Variants in MAP4K4 observed in about 807,000 individuals in gnomAD.
MAP4K4 encodes the protein HPK/GCK-like kinase HGK.
In MAP4K4, 38 loss-of-function variants were observed where a neutral mutation model predicts 189.6. That is an observed-to-expected ratio of 0.20 (90% CI 0.15 to 0.26). The LOEUF (loss-of-function observed/expected upper bound fraction) is 0.26, where lower values mean the gene tolerates loss of function less well. Ranked by LOEUF, MAP4K4 falls within the 10% of genes least tolerant of loss-of-function variation. The pLI, the probability that MAP4K4 is intolerant of heterozygous loss-of-function variation, is 1.00. For missense variants in MAP4K4, 1,054 were observed against 1,726.9 expected, an observed-to-expected ratio of 0.61 and a Z score of 6.91; for synonymous variants, 610 against 624.3, an observed-to-expected ratio of 0.98 and a Z score of 0.34.
intron 6 of MAP4K4, among the ~76,000 whole-genome samples, chr2:101,830,885 G>A (rs1474901459): frequency 6.6e-6 from 1 of 152,166 alleles, no homozygotes; most frequent in Non-Finnish European, 1.5e-5. Context: ...TGTCTCTAAA[G>A]GAGTACTCAG....
At chr2:101,745,328 A>AACCC (rs2064781044) in intron 2 of MAP4K4, among the ~76,000 whole-genome samples, 1 of 54,874 alleles carries the variant, frequency 1.8e-5, no homozygotes, top group African/African-American at 1.0e-4. Context: ...TGAAAATATC[A>AACCC]CCCCCCCCCC....
intron 2 of MAP4K4, among the ~76,000 whole-genome samples, chr2:101,740,445 C>CTT (rs2062213422): frequency 9.8e-6 from 1 of 102,534 alleles, no homozygotes; most frequent in African/African-American, 1.6e-4. Flanking sequence ...TGAGCCACCG[C>CTT]GCCCGGCCGC....
intron 2 of MAP4K4, among the ~76,000 whole-genome samples, chr2:101,736,917 C>T (rs2060481575): frequency 6.6e-6 from 1 of 152,172 alleles, no homozygotes; most frequent in African/African-American, 2.4e-5. Flanking sequence ...CATCAATCTC[C>T]TTCCTCCCTC....
In MAP4K4 at chr2:101,698,595, A is replaced by G. The variant is rs1567385; in HGVS notation, c.123+57A>G. ...GCATGTGGAAACTTCTTATTGGGGG[A>G]CGAGGAGAGGGTGATAAACATGCTG... On this transcript the variant is annotated intron_variant, in intron 2 of 32. Transcript: ENST00000324219. 431,460 of 1,519,914 alleles carry G rather than the reference A, an allele frequency of 0.28. 64,934 individuals carry two copies. The highest frequency in any genetic ancestry group is 0.32 in the Admixed American group (19,114 of 59,198). The allele number at this position is 1,519,914 out of a possible 1,614,324, so 94.2% of individuals were successfully genotyped here. A position where few individuals can be genotyped will look rare whatever the true frequency, so the allele number is the denominator to read the frequency against.
intron 9 of MAP4K4, among the ~76,000 whole-genome samples, chr2:101,836,212 A>G (rs776346347): frequency 2.0e-5 from 3 of 152,078 alleles, no homozygotes; most frequent in Admixed American, 6.6e-5. Flanking sequence ...ACACTATAAC[A>G]TGTCTAAAGA....
intron 2 of MAP4K4, among the ~76,000 whole-genome samples, chr2:101,731,137 GAC>G (rs1418518045): frequency 5.3e-5 from 8 of 151,502 alleles, no homozygotes; most frequent in Non-Finnish European, 7.4e-5. Context: ...TATTTTTTGA[GAC>G]ACAGTTTCAT....
chr2:101,869,554 G>A, intron 21 of MAP4K4, 68 bp from the exon 22 acceptor site: 1 of 1,286,402 alleles, frequency 7.8e-7, no homozygotes, highest in Non-Finnish European at 1.1e-6. Flanking sequence ...TATGGTTAAA[G>A]AACTTCTCAT....
intron 2 of MAP4K4, among the ~76,000 whole-genome samples, chr2:101,750,475 A>G (rs934180011): frequency 7.1e-6 from 1 of 140,262 alleles, no homozygotes; most frequent in African/African-American, 2.6e-5. Context: ...TCACATGGAC[A>G]CAGGAAGGGG....
At chr2:101,708,567 GAGAT>G (rs1211772828) in intron 2 of MAP4K4, among the ~76,000 whole-genome samples, 2 of 152,176 alleles carry the variant, frequency 1.3e-5, no homozygotes, top group Non-Finnish European at 2.9e-5. Flanking sequence ...AAACCTTTGA[GAGAT>G]AGAGGAGTTT....
intron 6 of MAP4K4, among the ~76,000 whole-genome samples, chr2:101,831,327 T>C (rs1476159504): frequency 6.6e-6 from 1 of 152,216 alleles, no homozygotes; most frequent in Non-Finnish European, 1.5e-5. Context: ...ATTAGTGCTG[T>C]TTAAGAAGGT....
intron 2 of MAP4K4, among the ~76,000 whole-genome samples, chr2:101,719,604 T>C (rs1427807089): frequency 2.0e-5 from 3 of 152,182 alleles, no homozygotes; most frequent in African/African-American, 4.8e-5. Flanking sequence ...GGAAAGACTT[T>C]TAGGCAAGCT....
At chr2:101,827,094 T>C (rs1023597736) in intron 5 of MAP4K4, among the ~76,000 whole-genome samples, 1 of 152,180 alleles carries the variant, frequency 6.6e-6, no homozygotes, top group African/African-American at 2.4e-5. Flanking sequence ...TGTTTACCTA[T>C]CATATGTAAT....
chr2:101,780,430 T>C (rs1473778750), intron 2 of MAP4K4, among the ~76,000 whole-genome samples: 1 of 152,250 alleles, frequency 6.6e-6, no homozygotes, highest in Non-Finnish European at 1.5e-5. Context: ...TGAAGTCACA[T>C]GGGAGAAATG....
intron 18 of MAP4K4, 22 bp from the exon 19 acceptor site, chr2:101,866,406 C>G: frequency 6.3e-7 from 1 of 1,596,658 alleles, no homozygotes; most frequent in Non-Finnish European, 8.6e-7. Flanking sequence ...ATTAGCTGTT[C>G]TCTCTTCTTC....
At chr2:101,860,792 C>A in intron 15 of MAP4K4, 33 bp from the exon 16 acceptor site, 1 of 1,560,860 alleles carries the variant, frequency 6.4e-7, no homozygotes, top group Non-Finnish European at 8.7e-7. Context: ...CCCCTACTAA[C>A]ACTGAGTTAT....
intron 12 of MAP4K4, among the ~76,000 whole-genome samples, chr2:101,845,746 C>T (rs563427665): frequency 5.3e-5 from 8 of 152,212 alleles, no homozygotes; most frequent in South Asian, 2.1e-4. Flanking sequence ...TTTTGATTTT[C>T]TTTTTTTGAC....
At chr2:101,826,477 A>AT in intron 5 of MAP4K4, among the ~76,000 whole-genome samples, 1 of 152,340 alleles carries the variant, frequency 6.6e-6, no homozygotes, top group Non-Finnish European at 1.5e-5. Flanking sequence ...TGCAAATGTC[A>AT]TTAAAATGTC....
intron 2 of MAP4K4, among the ~76,000 whole-genome samples, chr2:101,771,804 T>G (rs989214423): frequency 6.6e-6 from 1 of 152,234 alleles, no homozygotes. Flanking sequence ...AATTGAAAAC[T>G]ATAATGAGAA....
chr2:101,855,364 C>T (rs995219202), intron 12 of MAP4K4, among the ~76,000 whole-genome samples: 15 of 152,168 alleles, frequency 9.9e-5, no homozygotes, highest in African/African-American at 3.6e-4. Flanking sequence ...GAAATAATGA[C>T]TTCCTTGGGT....
Sources: gnomAD v4.1 joint callset for allele counts (sites outside exome capture counted in the v4.1 genomes callset) on GRCh38, gnomAD v4.1.1 for gene constraint, MANE v1.5 for transcripts, NCBI Gene and HGNC (gene_info 2026-07-23, HGNC 2026-07-21) for gene names.